FES: variants seen among roughly 807,000 people sequenced by gnomAD.
The protein encoded by FES is FES proto-oncogene, tyrosine kinase.
In FES, 83 loss-of-function variants were observed where a neutral mutation model predicts 109.6. The observed-to-expected ratio is 0.76, with a 90% CI of 0.63 to 0.91. The LOEUF (loss-of-function observed/expected upper bound fraction) is 0.91. Ranked by LOEUF, FES falls within the 40% of genes least tolerant of loss-of-function variation. The pLI, the probability that FES is intolerant of heterozygous loss-of-function variation, is 0.00. For missense variants in FES, 943 were observed against 1,070.9 expected, an observed-to-expected ratio of 0.88 and a Z score of 1.67; for synonymous variants, 458 against 442.1, an observed-to-expected ratio of 1.04 and a Z score of -0.45.
In FES at chr15:90,889,346, G is replaced by A. The variant is rs138932852; in HGVS notation, c.709G>A (p.Val237Met). The change falls in exon 6 of 19, where the codon GTG (valine) becomes ATG (methionine). Residue 237 changes from valine (V) to methionine (M), a missense_variant. Transcript: ENST00000328850. This position sits in a 1 kb window ranked among gnomAD's most constrained non-coding sequence, Gnocchi z 6.1. ...LQEYLEISSLVQDEVVAIHRE... is the reference protein window; with the variant it reads ...LQEYLEISSLMQDEVVAIHRE... ...GGAATACCTGGAGATTAGCAGCCTG[G>A]TGCAGGATGAGGTGGTGGCCATTCA... 1 of 1,613,996 alleles carries A rather than the reference G, an allele frequency of 6.2e-7. No homozygotes were observed. The highest frequency in any genetic ancestry group is 8.5e-7 in the Non-Finnish European group (1 of 1,180,032).
rs1383897366 is a variant in FES, at chr15:90,894,982, G to A, written c.2327-434G>A. On this transcript the variant is annotated intron_variant, in intron 18 of 18. Coordinates refer to ENST00000328850, the MANE Select transcript of FES (RefSeq NM_002005.4). ...CTTGGGAGGCTGAGGCACAAGAATC[G>A]CTTGAACCTGGGAGGTGGAGGTTGC... Among the ~76,000 whole-genome samples the A allele has an allele frequency of 4.0e-5, 6 of 150,658 alleles. No individual in the cohort carries two copies. The South Asian group carries it at 6.3e-4, about 16-fold the overall frequency.
At chr15:90,894,321 A>C (rs1439313479) in intron 18 of FES, among the ~76,000 whole-genome samples, 2 of 152,330 alleles carry the variant, frequency 1.3e-5, no homozygotes, top group Non-Finnish European at 2.9e-5. Flanking sequence ...ACGGTGGCTC[A>C]CACCTGTAAT....
rs148808573 is a variant in FES, at chr15:90,885,061, G to C, written c.16G>C (p.Glu6Gln). MGFSSELCSPQGHGVL... is the reference protein window; with the variant it reads MGFSSQLCSPQGHGVL... ...GAACAGCACTATGGGCTTCTCTTCC[G>C]AGCTGTGCAGCCCCCAGGGCCACGG... is the stretch of plus-strand genomic sequence containing the variant. The change falls in exon 2 of 19, where the codon GAG (glutamate) becomes CAG (glutamine). Residue 6 changes from glutamate to glutamine, a missense_variant. By Grantham distance (29) the Glu-to-Gln change is conservative. Transcript: ENST00000328850. The C allele has an allele frequency of 2.5e-6, 4 of 1,612,038 alleles. No individual in the cohort carries two copies. The highest frequency in any genetic ancestry group is 3.4e-6 in the Non-Finnish European group (4 of 1,179,610).
chr15:90,889,704 G>T lies in FES; in HGVS notation c.926+68G>T. ...CAGACCACGAGTGTTTATGTAGGCA[G>T]GGCTAGGTCGTGGAGACTGTCCACA... On this transcript the variant is annotated intron_variant, in intron 7 of 18. Coordinates refer to ENST00000328850, the MANE Select transcript of FES (RefSeq NM_002005.4). This position sits in a 1 kb window ranked among gnomAD's most constrained non-coding sequence, Gnocchi z 6.1. 1 of 1,606,342 alleles carries T rather than the reference G, an allele frequency of 6.2e-7. No individual in the cohort carries two copies.
In FES at chr15:90,889,231, A is replaced by C; in HGVS notation, c.669-75A>C. On this transcript the variant is annotated intron_variant, in intron 5 of 18. Coordinates refer to ENST00000328850, the MANE Select transcript of FES (RefSeq NM_002005.4). This position sits in a 1 kb window ranked among gnomAD's most constrained non-coding sequence, Gnocchi z 6.1. Reference sequence around the variant, plus strand: ...CAACCCCAGCCCTGACTCCAAACCCAGGGTCCTAGGCCTGAACTGCCCAGC... The same window carrying C: ...CAACCCCAGCCCTGACTCCAAACCCCGGGTCCTAGGCCTGAACTGCCCAGC... The C allele has an allele frequency of 6.4e-7, 1 of 1,570,514 alleles. No homozygotes were observed. The highest frequency in any genetic ancestry group is 8.6e-7 in the Non-Finnish European group (1 of 1,156,788).
At chr15:90,892,326 C>T (rs2033298654) in intron 13 of FES, 2 of 614,850 alleles carry the variant, frequency 3.3e-6, no homozygotes, top group Non-Finnish European at 5.8e-6. Context: ...GCACCCTGAC[C>T]TCATCACCCC....
rs757010190 is a variant in FES at position 90,890,658 on chromosome 15, C to G, written c.1320+174C>G. 1.1e-5 allele frequency: 7 copies of G among 653,586 alleles called. No individual in the cohort carries two copies. The African/African-American group carries it at 1.3e-4, about 12-fold the overall frequency. 40.5% of individuals were successfully genotyped at this position (653,586 alleles called of 1,614,324 possible). A position where few individuals can be genotyped will look rare whatever the true frequency, so the allele number is the denominator to read the frequency against. ...GCCCCTGTGACCCCTCCCTTTCCAT[C>G]GCCCCAGTGTGCTAAAGGGACCAGC... On this transcript the variant is annotated intron_variant, in intron 10 of 18. Coordinates refer to ENST00000328850, the MANE Select transcript of FES (RefSeq NM_002005.4).
rs376898394 is a variant in FES at position 90,889,937 on chromosome 15, G to A, written c.1024G>A (p.Glu342Lys). The A allele has an allele frequency of 9.3e-6, 15 of 1,612,656 alleles. 1 individual carries two copies. Among genetic ancestry groups the A allele is most frequent in the Non-Finnish European group, 1.2e-5 (14 of 1,179,352 alleles). The change falls in exon 8 of 19, where the codon GAG (glutamate) becomes AAG (lysine). Residue 342 changes from glutamate (E) to lysine (K), a missense_variant. Transcript: ENST00000328850. This position sits in a 1 kb window ranked among gnomAD's most constrained non-coding sequence, Gnocchi z 6.1. ...GCTGCAACAGGAGCTCCGGAATGAA[G>A]AGGAGAACACCCACCCCCGGGAGCG... Reference protein sequence around the residue: ...TQLQQELRNEEENTHPRERVQ... With the variant: ...TQLQQELRNEKENTHPRERVQ...
intron 5 of FES, among the ~76,000 whole-genome samples, chr15:90,888,794 TTAGA>T (rs902831666): frequency 7.6e-6 from 1 of 131,818 alleles, no homozygotes; most frequent in Admixed American, 7.8e-5. Context: ...ATTTATTTAT[TTAGA>T]GATGTAGTCT....
chr15:90,893,603 G>A, intron 16 of FES, 51 bp from the exon 17 acceptor site: 1 of 1,529,908 alleles, frequency 6.5e-7, no homozygotes, highest in Non-Finnish European at 8.8e-7. Context: ...GTTCAGCCAG[G>A]GCTGGGCAGG....
Position 90,890,101 on chromosome 15 carries a change from G to T in FES, c.1059G>T (p.Leu353=). 1 of 1,557,740 alleles carries T rather than the reference G, an allele frequency of 6.4e-7. No homozygotes were observed. Residue 353 remains leucine (L), a synonymous_variant, in exon 9 of 19, where the codon CTG becomes CTT. Coordinates refer to ENST00000328850, the MANE Select transcript of FES (RefSeq NM_002005.4). ...ENTHPRERVQ[L]LGKRQVLQEA... ...CCGCCCCTGCCTGCAGGGTGCAGCT[G>T]CTGGGCAAGAGGCAAGTGCTGCAAG...
Position 90,893,928 on chromosome 15 carries a change from C to A in FES, c.2204-8C>A. 1.2e-6 allele frequency: 2 copies of A among 1,613,538 alleles called. No individual in the cohort carries two copies. The highest frequency in any genetic ancestry group is 2.2e-5 in the South Asian group (2 of 91,082). On this transcript the variant is annotated splice_polypyrimidine_tract_variant and splice_region_variant and intron_variant, in intron 17 of 18. Transcript: ENST00000328850. ...TCACGCTGCCTCACCTCCTCGCCTC[C>A]TCTGCAGGCCGCTACTCCTCCGAAA...
chr15:90,887,211 A>G lies in FES; in HGVS notation c.509A>G (p.Asp170Gly). Residue 170 changes from aspartate to glycine, a missense_variant, in exon 5 of 19, where the codon GAC (aspartate) becomes GGC (glycine). Asp to Gly is a moderately conservative substitution (Grantham distance 94, BLOSUM62 -1). Coordinates refer to ENST00000328850, the MANE Select transcript of FES (RefSeq NM_002005.4). Reference sequence around the variant, plus strand: ...GACAAGGACCGTGACAAGGCTAAGGACAAGTATGTGCGCAGCCTGTGGAAG... The same window carrying G: ...GACAAGGACCGTGACAAGGCTAAGGGCAAGTATGTGCGCAGCCTGTGGAAG... Reference protein sequence around the residue: ...SKDKDRDKAKDKYVRSLWKLF... With the variant: ...SKDKDRDKAKGKYVRSLWKLF... 6 of 1,613,576 alleles carry G rather than the reference A, an allele frequency of 3.7e-6. No individual in the cohort carries two copies. Among genetic ancestry groups the G allele is most frequent in the Non-Finnish European group, 5.1e-6 (6 of 1,179,926 alleles).
Position 90,889,199 on chromosome 15 carries a change from C to A in FES, c.669-107C>A. ...GTGGCATGGCTAGCTCGAAGTGAGG[C>A]AGGGGTCAACCCCAGCCCTGACTCC... is the stretch of plus-strand genomic sequence containing the variant. On this transcript the variant is annotated intron_variant, in intron 5 of 18. Coordinates refer to ENST00000328850, the MANE Select transcript of FES (RefSeq NM_002005.4). This position sits in a 1 kb window ranked among gnomAD's most constrained non-coding sequence, Gnocchi z 6.1. 6.8e-7 allele frequency: 1 copy of A among 1,461,162 alleles called. No homozygotes were observed. The highest frequency in any genetic ancestry group is 9.2e-7 in the Non-Finnish European group (1 of 1,083,950). The allele number at this position is 1,461,162 out of a possible 1,614,324, so 90.5% of individuals were successfully genotyped here. A position where few individuals can be genotyped will look rare whatever the true frequency, so the allele number is the denominator to read the frequency against.
At chr15:90,891,730 T>G in intron 12 of FES, 54 bp downstream of exon 12, 5 of 1,608,194 alleles carry the variant, frequency 3.1e-6, no homozygotes, top group Non-Finnish European at 3.4e-6. Context: ...TTGGGGAGTG[T>G]GGGTCAGGCC....
intron 2 of FES, 50 bp downstream of exon 2, chr15:90,885,308 T>G: frequency 6.2e-7 from 1 of 1,601,916 alleles, no homozygotes; most frequent in Non-Finnish European, 8.5e-7. Flanking sequence ...TGCCTTCTCC[T>G]TCCTCTCCTG....
chr15:90,885,771 G>C (rs1330561153), intron 3 of FES, among the ~76,000 whole-genome samples, 186 bp downstream of exon 3: 1 of 152,226 alleles, frequency 6.6e-6, no homozygotes, highest in Admixed American at 6.5e-5. Context: ...TTGCAGCAAG[G>C]CCTCTCTGTG....
intron 13 of FES, chr15:90,892,371 C>T (rs561170590): frequency 2.7e-5 from 16 of 591,570 alleles, no homozygotes; most frequent in African/African-American, 1.3e-4. Context: ...CTTGTGTGCA[C>T]GCAGGGAGAC....
chr15:90,894,838 A>G (rs1222406811), intron 18 of FES, among the ~76,000 whole-genome samples: 3 of 152,164 alleles, frequency 2.0e-5, no homozygotes, highest in Admixed American at 6.5e-5. Context: ...AGGCTGAGGA[A>G]GGTGGATCAC....
Sources: gnomAD v4.1 joint callset for allele counts (sites outside exome capture counted in the v4.1 genomes callset) on GRCh38, gnomAD v4.1.1 for gene constraint, Gnocchi (gnomAD v3.1) non-coding constraint, MANE v1.5 for transcripts, NCBI Gene and HGNC (gene_info 2026-07-23, HGNC 2026-07-21) for gene names.